Variants in AIRE observed in about 807,000 individuals in gnomAD.
AIRE encodes autoimmune polyendocrinopathy candidiasis ectodermal dystrophy protein.
AIRE carries 52 observed loss-of-function variants against 62.1 expected under a neutral mutation model. That is an observed-to-expected ratio of 0.84 (90% CI 0.67 to 1.06). AIRE has a LOEUF of 1.06. Among genes scored for constraint, AIRE ranks in the 50% least tolerant of loss-of-function variants. The pLI is 0.00. For synonymous variants in AIRE, 342 were observed against 321.6 expected (o/e 1.06, Z -0.68); for missense variants, 774 against 755.8 (o/e 1.02, Z -0.28).
intron 5 of AIRE, 131 bp from the exon 6 acceptor site, chr21:44,289,526 G>T (rs2040514412): frequency 3.0e-6 from 4 of 1,315,382 alleles, no homozygotes; most frequent in Non-Finnish European, 4.2e-6. Flanking sequence ...ACTGGGGTGG[G>T]GGCGGGCTGG....
At chr21:44,288,876 G>A (rs568340586) in intron 5 of AIRE, 130 of 189,992 alleles carry the variant, frequency 6.8e-4, no homozygotes, top group African/African-American at 2.6e-3. Context: ...CAGCATCCTC[G>A]CCCGCCATTC....
intron 12 of AIRE, among the ~76,000 whole-genome samples, chr21:44,295,411 T>C (rs755662741): frequency 2.0e-5 from 3 of 152,204 alleles, no homozygotes; most frequent in Non-Finnish European, 2.9e-5. Flanking sequence ...GGGGCTTTTG[T>C]GGAACAGTGG....
rs752065208 is a variant in AIRE, at chr21:44,286,689, C to A, written c.265C>A (p.Arg89Ser). 3 of 1,613,044 alleles carry A rather than the reference C, an allele frequency of 1.9e-6. No individual in the cohort carries two copies. The highest frequency in any genetic ancestry group is 2.2e-5 in the East Asian group (1 of 44,886). Residue 89 changes from arginine to serine, a missense_variant, in exon 2 of 14, where the codon CGC (arginine) becomes AGC (serine). Physicochemically the swap from Arg to Ser is moderately radical, Grantham distance 110 (BLOSUM62 -1). This residue lies in a region of AIRE where 385 missense variants were observed against 396.0 expected (regional missense o/e 0.97). Transcript: ENST00000291582. The surrounding 1 kb of genome is among the most constrained non-coding windows in gnomAD (Gnocchi z 6.0). Reference protein sequence around the residue: ...RVLFKDYNLERYGRLQPILDS... With the variant: ...RVLFKDYNLESYGRLQPILDS... ...GCTGTTCAAGGACTACAACCTGGAGCGCTATGGCCGGCTGCAGCCCATCCT... is the reference window on the plus strand; with the variant it reads ...GCTGTTCAAGGACTACAACCTGGAGAGCTATGGCCGGCTGCAGCCCATCCT...
chr21:44,287,065 G>A lies in AIRE; in HGVS notation c.395G>A (p.Arg132Lys). ...LVPPPRLPTK[R>K]KASEEARAAA... ...CCGCCACCCAGACTCCCCACCAAGA[G>A]GAAGGCCTCAGAAGAGGCTCGAGCT... Residue 132 changes from arginine to lysine, a missense_variant, in exon 3 of 14, where the codon AGG (arginine) becomes AAG (lysine). By Grantham distance (26) the Arg-to-Lys change is conservative (BLOSUM62 2). Around this residue, in one of 3 missense-constraint regions of AIRE, gnomAD observed 385 missense variants for 396.0 expected, o/e 0.97. Transcript: ENST00000291582. The surrounding 1 kb of genome is among the most constrained non-coding windows in gnomAD (Gnocchi z 4.3). The A allele has an allele frequency of 1.2e-6, 2 of 1,612,786 alleles. No homozygotes were observed. The highest frequency in any genetic ancestry group is 1.7e-6 in the Non-Finnish European group (2 of 1,179,976).
intron 10 of AIRE, among the ~76,000 whole-genome samples, 182 bp from the exon 11 acceptor site, chr21:44,293,607 C>A (rs1243697692): frequency 1.3e-5 from 2 of 152,098 alleles, no homozygotes; most frequent in African/African-American, 4.8e-5. Flanking sequence ...GCCCCTGCCT[C>A]CTGGGGATGG....
chr21:44,294,785 C>T (rs2040588325), intron 12 of AIRE, among the ~76,000 whole-genome samples: 1 of 152,194 alleles, frequency 6.6e-6, no homozygotes, highest in Non-Finnish European at 1.5e-5. Flanking sequence ...CCTGAGAGTC[C>T]TGCCAGGGCT....
rs910201734 is a variant in AIRE, at chr21:44,287,811, T to A, written c.538+220T>A. Among the ~76,000 whole-genome samples, 1 of 152,072 alleles carries A rather than the reference T, an allele frequency of 6.6e-6. No individual in the cohort carries two copies. The highest frequency in any genetic ancestry group is 1.5e-5 in the Non-Finnish European group (1 of 67,996). On this transcript the variant is annotated intron_variant, in intron 4 of 13. Coordinates refer to ENST00000291582, the MANE Select transcript of AIRE (RefSeq NM_000383.4). The surrounding 1 kb of genome is among the most constrained non-coding windows in gnomAD (Gnocchi z 4.3). ...AGTCGCCCCTGCCCCCACTGCACCC[T>A]GGTTCTGGGACCCCCTTCTCAGGCA...
At chr21:44,291,240 G>C (rs758528374) in intron 8 of AIRE, 30 bp downstream of exon 8, 6 of 1,596,334 alleles carry the variant, frequency 3.8e-6, no homozygotes, top group Middle Eastern at 2.2e-4. Context: ...AGCGCAACCA[G>C]GCCACCCCGG....
Position 44,291,071 on chromosome 21 carries a change from ATGGGCGTCTCTTGCCTGTG to A in AIRE, c.880-23_880-5del. 1 of 1,613,326 alleles carries A rather than the reference ATGGGCGTCTCTTGCCTGTG, an allele frequency of 6.2e-7. No homozygotes were observed. ...GGTGCTGCACCCCAGCCCAGTCTGC[ATGGGCGTCTCTTGCCTGTG>A]CCAGAAGAATGAGGACGAGTGTGCC... On this transcript the variant is annotated splice_region_variant and splice_polypyrimidine_tract_variant and intron_variant, in intron 7 of 13. Transcript: ENST00000291582.
rs1352758309 is a variant in AIRE, at chr21:44,292,329, G to T, written c.1023G>T (p.Leu341=). Residue 341 remains leucine, a synonymous_variant, in exon 9 of 14, where the codon CTG becomes CTT. Coordinates refer to ENST00000291582, the MANE Select transcript of AIRE (RefSeq NM_000383.4). ...GGACCTGGAGGTGCTCCAGCTGCCTGCAGGCAACAGTCCAGGAGGTGCAGC... is the reference window on the plus strand; with the variant it reads ...GGACCTGGAGGTGCTCCAGCTGCCTTCAGGCAACAGTCCAGGAGGTGCAGC... ...PSGTWRCSSC[L]QATVQEVQPR... is the part of the protein sequence containing the mutation. 1.0e-5 allele frequency: 16 copies of T among 1,577,362 alleles called. No individual in the cohort carries two copies. The highest frequency in any genetic ancestry group is 1.3e-5 in the African/African-American group (1 of 74,420).
At chr21:44,288,245 A>G in intron 4 of AIRE, 100 bp from the exon 5 acceptor site, 1 of 1,018,536 alleles carries the variant, frequency 9.8e-7, no homozygotes, top group East Asian at 2.4e-5. Flanking sequence ...GGCTGGAAGG[A>G]AAGGGCTCTG....
At chr21:44,290,514 C>A in intron 7 of AIRE, 6 of 915,416 alleles carry the variant, frequency 6.6e-6, no homozygotes, top group Non-Finnish European at 7.8e-6. Context: ...CTCTGTGGGG[C>A]CCTGGCACTT....
intron 5 of AIRE, 67 bp downstream of exon 5, chr21:44,288,525 C>A: frequency 2.5e-6 from 3 of 1,189,600 alleles, no homozygotes; most frequent in South Asian, 1.3e-5. Context: ...AGGAGGACCA[C>A]GCCCCTTTGC....
At position 44,287,115 on chromosome 21, in the gene AIRE, AG is replaced by A. The variant is rs771341718; in HGVS notation, c.449del (p.Gly150AlafsTer9). 1 of 1,612,350 alleles carries A rather than the reference AG, an allele frequency of 6.2e-7. No individual in the cohort carries two copies. Among genetic ancestry groups the A allele is most frequent in the South Asian group, 1.1e-5 (1 of 91,070 alleles). On this transcript the variant is annotated frameshift_variant, in exon 3 of 14. Coordinates refer to ENST00000291582, the MANE Select transcript of AIRE (RefSeq NM_000383.4). LOFTEE classifies it high-confidence loss of function. This position sits in a 1 kb window ranked among gnomAD's most constrained non-coding sequence, Gnocchi z 4.3. ...TGCCGCGCCAGCAGCCCTGACTCCA[AG>A]GGGCACCGCCAGCCCAGGTACCCTC... ...RAAAPAALTPRGTASPGSQLK... is the reference protein window; with the variant it reads ...RAAAPAALTPXGTASPGSQLK...
In AIRE at chr21:44,296,400, C is replaced by A; in HGVS notation, c.1521C>A (p.His507Gln). 6.2e-7 allele frequency: 1 copy of A among 1,612,552 alleles called. No homozygotes were observed. The highest frequency in any genetic ancestry group is 8.5e-7 in the Non-Finnish European group (1 of 1,179,806). The change falls in exon 13 of 14, where the codon CAC becomes CAA. Residue 507 changes from histidine to glutamine, a missense_variant. By Grantham distance (24) the His-to-Gln change is conservative. Around this residue, in one of 3 missense-constraint regions of AIRE, gnomAD observed 354 missense variants for 296.1 expected, o/e 1.20. Transcript: ENST00000291582. Reference sequence around the variant, plus strand: ...GGTTCCAGGATGACACTGCCAGTCACGAGCCCGCTCTGCACAGGGATGACC... The same window carrying A: ...GGTTCCAGGATGACACTGCCAGTCAAGAGCCCGCTCTGCACAGGGATGACC... ...PGPAKDDTAS[H>Q]EPALHRDDLE...
In AIRE at chr21:44,293,008, A is replaced by G; in HGVS notation, c.1111A>G (p.Arg371Gly). ...TGGGTTCCAGCTCCCCCCGGGGCTTAGGTCGGCGGGAGAGGAGGTAAGAGG... is the reference window on the plus strand; with the variant it reads ...TGGGTTCCAGCTCCCCCCGGGGCTTGGGTCGGCGGGAGAGGAGGTAAGAGG... ...PVETPLPPGL[R>G]SAGEEVRGPP... is the part of the protein sequence containing the mutation. Residue 371 changes from arginine to glycine, a missense_variant, in exon 10 of 14, where the codon AGG (arginine) becomes GGG (glycine). By Grantham distance (125) the Arg-to-Gly change is moderately radical. Around this residue, in one of 3 missense-constraint regions of AIRE, gnomAD observed 354 missense variants for 296.1 expected, o/e 1.20. Transcript: ENST00000291582. 6.2e-7 allele frequency: 1 copy of G among 1,612,276 alleles called. No homozygotes were observed. The highest frequency in any genetic ancestry group is 1.7e-4 in the Middle Eastern group (1 of 5,948).
intron 12 of AIRE, 115 bp downstream of exon 12, chr21:44,294,618 G>A (rs1568930548): frequency 6.2e-6 from 3 of 485,668 alleles, no homozygotes; most frequent in Non-Finnish European, 1.1e-5. Context: ...TCGAGGGCTT[G>A]CACCAGACGC....
At position 44,285,996 on chromosome 21, in the gene AIRE, G is replaced by A. The variant is rs888438524; in HGVS notation, c.-11G>A. ...GCGTCCGCCCCAGCCCCGGGTCCCC[G>A]CGCCCACCCCATGGCGACGGACGCG... is the stretch of plus-strand genomic sequence containing the variant. On this transcript the variant is annotated 5_prime_UTR_variant, in exon 1 of 14. Coordinates refer to ENST00000291582, the MANE Select transcript of AIRE (RefSeq NM_000383.4). 2 of 1,526,688 alleles carry A rather than the reference G, an allele frequency of 1.3e-6. No homozygotes were observed. Among genetic ancestry groups the A allele is most frequent in the Non-Finnish European group, 1.8e-6 (2 of 1,142,066 alleles). 94.6% of individuals were successfully genotyped at this position (1,526,688 alleles called of 1,614,324 possible). A position where few individuals can be genotyped will look rare whatever the true frequency, so the allele number is the denominator to read the frequency against.
chr21:44,294,007 CCCCACCCACACCCCACACT>C, intron 11 of AIRE, 97 bp downstream of exon 11: 2 of 1,464,192 alleles, frequency 1.4e-6, no homozygotes, highest in Non-Finnish European at 9.2e-7. Flanking sequence ...CACAACCACA[CCCCACCCACACCCCACACT>C]CCCACCCACA....
Sources: gnomAD v4.1 joint callset for allele counts (sites outside exome capture counted in the v4.1 genomes callset) on GRCh38, gnomAD v4.1.1 for gene constraint, gnomAD v4.1.1 regional missense constraint, Gnocchi (gnomAD v3.1) non-coding constraint, MANE v1.5 for transcripts, NCBI Gene and HGNC (gene_info 2026-07-23, HGNC 2026-07-21) for gene names.